The following FRMD6 variants were observed in gnomAD, a reference collection of about 807,000 sequenced individuals.
The protein encoded by FRMD6 is FERM domain containing 6, also known as FERM domain-containing protein 6.
A neutral mutation model predicts 73.2 loss-of-function variants in FRMD6; 37 were observed. The observed-to-expected ratio is 0.51, with a 90% confidence interval of 0.39 to 0.66. The LOEUF is 0.66. FRMD6 is among the 30% of genes least tolerant of loss of function. The pLI, the probability that FRMD6 is intolerant of heterozygous loss-of-function variation, is 0.00. For synonymous variants in FRMD6, 273 were observed against 282.2 expected (o/e 0.97, Z 0.33); for missense variants, 714 against 780.5 (o/e 0.91, Z 1.02).
intron 2 of FRMD6, among the ~76,000 whole-genome samples, chr14:51,596,393 G>A (rs1889717388): frequency 6.6e-6 from 1 of 151,990 alleles, no homozygotes; most frequent in Non-Finnish European, 1.5e-5. Flanking sequence ...GAGGTTGGGA[G>A]GTGATTTAAA....
chr14:51,442,124 T>C, the FRMD6 span, among the ~76,000 whole-genome samples: 1 of 152,176 alleles, frequency 6.6e-6, no homozygotes, highest in Admixed American at 6.5e-5. Context: ...ACATTAAATG[T>C]TTCTCATATA....
At chr14:51,542,624 T>TC (rs1886261290) in intron 1 of FRMD6, among the ~76,000 whole-genome samples, 1 of 152,090 alleles carries the variant, frequency 6.6e-6, no homozygotes, top group Non-Finnish European at 1.5e-5. Context: ...CACTTGTTTT[T>TC]CATGAGTATA....
At chr14:51,459,671 C>CA in the FRMD6 span, among the ~76,000 whole-genome samples, 16 of 151,538 alleles carry the variant, frequency 1.1e-4, no homozygotes, top group East Asian at 1.9e-4. Context: ...ACTAAAAATA[C>CA]AAAAAAATAG....
chr14:51,440,488 A>C, the FRMD6 span, among the ~76,000 whole-genome samples: 88 of 152,338 alleles, frequency 5.8e-4, 1 homozygote, highest in Non-Finnish European at 1.0e-3. Flanking sequence ...GTGCTGGACC[A>C]ATCAGTTGAA....
upstream of FRMD6, chr14:51,650,381 G>C (rs942937840): frequency 1.3e-5 from 2 of 148,606 alleles, no homozygotes; most frequent in Admixed American, 6.8e-5. Context: ...TGGATGAAAA[G>C]AGCAGGGCAG....
rs78056127 is a variant in FRMD6, at chr14:51,535,449, A to C, written c.-209-34899A>C. ...GGACATTTCTACTTTCTATCTCCAC[A>C]GATTTGCCTATTATGGACATGGAAT... On this transcript the variant is annotated intron_variant, in intron 1 of 14. Coordinates refer to the FRMD6 transcript ENST00000356218. 9.4e-3 allele frequency among the ~76,000 whole-genome samples: 1,439 copies of C among 152,306 alleles called. 16 individuals carry two copies. Among genetic ancestry groups the C allele is most frequent in the Non-Finnish European group, 0.013 (866 of 68,026 alleles).
At chr14:51,535,156 G>A (rs1885808493) in intron 1 of FRMD6, among the ~76,000 whole-genome samples, 1 of 151,980 alleles carries the variant, frequency 6.6e-6, no homozygotes, top group South Asian at 2.1e-4. Flanking sequence ...GGCTTCCAGG[G>A]TCCTCAAACC....
intron 2 of FRMD6, among the ~76,000 whole-genome samples, chr14:51,696,977 C>G (rs969587094): frequency 6.6e-6 from 1 of 152,070 alleles, no homozygotes; most frequent in Non-Finnish European, 1.5e-5. Context: ...CATCTCACAC[C>G]TGTTAGAATG....
intron 2 of FRMD6, among the ~76,000 whole-genome samples, chr14:51,581,392 G>A (rs1888714727): frequency 6.6e-6 from 1 of 152,134 alleles, no homozygotes; most frequent in African/African-American, 2.4e-5. Flanking sequence ...CCACTCTCAA[G>A]TTTCTAACAA....
intron 1 of FRMD6, among the ~76,000 whole-genome samples, chr14:51,542,232 A>G (rs886249002): frequency 6.6e-6 from 1 of 152,030 alleles, no homozygotes; most frequent in Non-Finnish European, 1.5e-5. Context: ...TCTGCTTTCA[A>G]AAACATTTTA....
At chr14:51,545,564 A>G (rs978674936) in intron 1 of FRMD6, among the ~76,000 whole-genome samples, 7 of 152,092 alleles carry the variant, frequency 4.6e-5, no homozygotes, top group Non-Finnish European at 7.4e-5. Context: ...AAATGAGTCA[A>G]CTGTCAATCT....
intron 2 of FRMD6, among the ~76,000 whole-genome samples, chr14:51,598,442 A>G (rs1889841144): frequency 6.6e-6 from 1 of 152,178 alleles, no homozygotes; most frequent in Non-Finnish European, 1.5e-5. Context: ...CATGGGGTAC[A>G]TGTACAAGTT....
intron 2 of FRMD6, among the ~76,000 whole-genome samples, chr14:51,625,719 C>T (rs779771622): frequency 1.4e-4 from 21 of 152,196 alleles, no homozygotes; most frequent in Admixed American, 4.6e-4. Context: ...GTAGAATGTT[C>T]TTCCCTCTCT....
At chr14:51,665,077 C>G (rs1893482487) in intron 1 of FRMD6, among the ~76,000 whole-genome samples, 1 of 152,106 alleles carries the variant, frequency 6.6e-6, no homozygotes, top group Non-Finnish European at 1.5e-5. Flanking sequence ...AGCCTGTGGC[C>G]CACCAACAAG....
At chr14:51,506,400 G>A (rs1006725968) in intron 1 of FRMD6, among the ~76,000 whole-genome samples, 58 of 152,326 alleles carry the variant, frequency 3.8e-4, no homozygotes, top group African/African-American at 1.3e-3. Context: ...TAAATGAAGA[G>A]GATACTGGCG....
chr14:51,707,712 A>G (rs943377802), intron 6 of FRMD6, among the ~76,000 whole-genome samples: 1 of 152,182 alleles, frequency 6.6e-6, no homozygotes, highest in Non-Finnish European at 1.5e-5. Flanking sequence ...TGCCTACTAT[A>G]GATGTATTTC....
chr14:51,552,116 T>A (rs1428861908), intron 1 of FRMD6, among the ~76,000 whole-genome samples: 1 of 152,206 alleles, frequency 6.6e-6, no homozygotes. Context: ...TGTGTAAATT[T>A]TGAGCTTTCA....
At chr14:51,412,773 A>G in the FRMD6 span, among the ~76,000 whole-genome samples, 2 of 151,702 alleles carry the variant, frequency 1.3e-5, no homozygotes, top group Non-Finnish European at 2.9e-5. Context: ...AATGACATGA[A>G]CCGGGGAGGC....
chr14:51,465,030 A>G, the FRMD6 span, among the ~76,000 whole-genome samples: 10 of 152,342 alleles, frequency 6.6e-5, 1 homozygote, highest in African/African-American at 1.9e-4. Context: ...TCAGCCAAGA[A>G]CCACCAGAAA....
Sources: allele counts gnomAD v4.1 joint callset (sites outside exome capture counted in the v4.1 genomes callset), GRCh38; gene constraint gnomAD v4.1.1; transcripts MANE v1.5; gene names NCBI Gene and HGNC (gene_info 2026-07-23, HGNC 2026-07-21).